Variants in AGL observed in about 807,000 individuals in gnomAD.
The protein encoded by AGL is amylo-alpha-1,6-glucosidase and 4-alpha-glucanotransferase.
In AGL, 128 loss-of-function variants were observed where a neutral mutation model predicts 199.3. The ratio of observed to expected loss-of-function variants is 0.64; its 90% confidence interval spans 0.56 to 0.74. AGL has a LOEUF of 0.74. AGL is among the 30% of genes least tolerant of loss of function. The pLI is 0.00. For missense variants in AGL, 1,809 were observed against 1,820.8 expected (o/e 0.99, Z 0.12); for synonymous variants, 584 against 594.7 (o/e 0.98, Z 0.26).
intron 5 of AGL, among the ~76,000 whole-genome samples, chr1:99,870,114 A>G (rs1488196896): frequency 1.3e-5 from 2 of 152,188 alleles, no homozygotes; most frequent in Non-Finnish European, 2.9e-5. Flanking sequence ...TTAACACTTT[A>G]GGATGAGCCA....
intron 33 of AGL, among the ~76,000 whole-genome samples, chr1:99,919,319 T>C (rs1330557035): frequency 6.6e-6 from 1 of 152,202 alleles, no homozygotes; most frequent in Non-Finnish European, 1.5e-5. Context: ...AGTTCTTCAG[T>C]TGTATCAGAC....
At chr1:99,899,558 T>TTCCC (rs1195469948) in intron 25 of AGL, among the ~76,000 whole-genome samples, 65 of 134,632 alleles carry the variant, frequency 4.8e-4, no homozygotes, top group African/African-American at 1.5e-3. Context: ...CTCTCTCTCT[T>TTCCC]TCCCTCCCTC....
At chr1:99,857,369 G>A (rs12730946) in intron 2 of AGL, among the ~76,000 whole-genome samples, 57,393 of 151,490 alleles carry the variant, frequency 0.38, 11,873 homozygotes, top group East Asian at 0.49. Flanking sequence ...CCCAGACGAA[G>A]GGTGGCCGGG....
At chr1:99,916,374 A>G (rs1655113673) in intron 31 of AGL, 36 bp from the exon 32 acceptor site, 1 of 1,456,808 alleles carries the variant, frequency 6.9e-7, no homozygotes, top group Admixed American at 1.7e-5. Context: ...ATATCTGATC[A>G]TCTTTTATTT....
At chr1:99,878,241 C>T (rs894190488) in intron 12 of AGL, among the ~76,000 whole-genome samples, 6 of 151,750 alleles carry the variant, frequency 4.0e-5, no homozygotes, top group African/African-American at 1.5e-4. Context: ...GCTACTCGGG[C>T]GGCTGAGGCA....
chr1:99,862,590 A>G (rs759737598), intron 4 of AGL, among the ~76,000 whole-genome samples, 167 bp downstream of exon 4: 7 of 152,210 alleles, frequency 4.6e-5, no homozygotes, highest in Non-Finnish European at 7.3e-5. Flanking sequence ...ACAGTTCCGC[A>G]GGCTATACAG....
At chr1:99,909,034 C>T (rs527810839) in intron 27 of AGL, among the ~76,000 whole-genome samples, 6 of 152,074 alleles carry the variant, frequency 3.9e-5, no homozygotes, top group Non-Finnish European at 8.8e-5. Flanking sequence ...TTCCAGCTTC[C>T]TCCTCTTCAG....
At chr1:99,886,763 G>C (rs763912442) in intron 20 of AGL, among the ~76,000 whole-genome samples, 3 of 152,080 alleles carry the variant, frequency 2.0e-5, no homozygotes, top group Non-Finnish European at 4.4e-5. Flanking sequence ...GGCTTTCTTT[G>C]TTGTTTTGTA....
intron 27 of AGL, among the ~76,000 whole-genome samples, chr1:99,909,428 C>T (rs905859863): frequency 3.9e-5 from 6 of 152,116 alleles, no homozygotes; most frequent in African/African-American, 7.2e-5. Flanking sequence ...TCCAGGCTTC[C>T]ACTCAGTCTC....
chr1:99,912,232 CCG>C (rs946785407), intron 28 of AGL, among the ~76,000 whole-genome samples, 171 bp from the exon 29 acceptor site: 4 of 152,040 alleles, frequency 2.6e-5, no homozygotes, highest in Middle Eastern at 3.2e-3. Flanking sequence ...AATGGCAAAA[CCG>C]TGAGAGGAAA....
At chr1:99,876,990 A>C (rs1171075846) in intron 11 of AGL, among the ~76,000 whole-genome samples, 1 of 152,222 alleles carries the variant, frequency 6.6e-6, no homozygotes, top group African/African-American at 2.4e-5. Flanking sequence ...TAAGAATTTC[A>C]GTGGCAATTA....
intron 6 of AGL, 72 bp from the exon 7 acceptor site, chr1:99,870,684 TAA>T: frequency 6.9e-7 from 1 of 1,449,828 alleles, no homozygotes; most frequent in Admixed American, 1.7e-5. Flanking sequence ...TTTAATATGA[TAA>T]ACAGTATTTG....
Position 99,902,664 on chromosome 1 carries a change from C to T in AGL, c.3589-19C>T, listed in dbSNP as rs368244330. The T allele has an allele frequency of 2.3e-4, 358 of 1,564,632 alleles. No individual in the cohort carries two copies. The highest frequency in any genetic ancestry group is 2.4e-4 in the Non-Finnish European group (276 of 1,135,418). On this transcript the variant is annotated intron_variant, in intron 26 of 33. Transcript: ENST00000361915. ...AATGTAATTTCTAACAGAGGTAACA[C>T]CCATTATGTCTCAAACAGGATCAGC...
chr1:99,870,392 T>C lies in AGL; in HGVS notation c.665-8T>C. The C allele has an allele frequency of 6.2e-7, 1 of 1,613,348 alleles. No homozygotes were observed. The highest frequency in any genetic ancestry group is 2.2e-5 in the East Asian group (1 of 44,844). On this transcript the variant is annotated splice_region_variant and splice_polypyrimidine_tract_variant and intron_variant, in intron 5 of 33. Coordinates refer to ENST00000361915, the MANE Select transcript of AGL (RefSeq NM_000642.3). ...GAGATACTCCTTTGTGTCTCCTTTT[T>C]CCTTCAGCTGCTAATAGTAAATGGA...
chr1:99,880,592 A>G, intron 13 of AGL, 40 bp from the exon 14 acceptor site: 2 of 1,601,482 alleles, frequency 1.2e-6, no homozygotes, highest in Non-Finnish European at 1.7e-6. Context: ...CCTGGACATA[A>G]ATAATGAAGA....
chr1:99,909,894 A>G (rs1276723988), intron 27 of AGL, among the ~76,000 whole-genome samples: 1 of 152,108 alleles, frequency 6.6e-6, no homozygotes, highest in Non-Finnish European at 1.5e-5. Context: ...AGTATGTGTA[A>G]ATTACTTATG....
intron 5 of AGL, among the ~76,000 whole-genome samples, chr1:99,866,800 T>TTTCCTTTATTTA (rs1553184029): frequency 6.6e-6 from 1 of 151,018 alleles, no homozygotes; most frequent in Non-Finnish European, 1.5e-5. Context: ...ACAAGTTTTC[T>TTTCCTTTATTTA]TTTATTTATT....
At position 99,862,322 on chromosome 1, in the gene AGL, A is replaced by G. The variant is rs758162985; in HGVS notation, c.359A>G (p.His120Arg). ...ATTTTACGTGTTGGTGCTGATAATCATGTGCTACCCTTGGACTGTGTTACT... is the reference window on the plus strand; with the variant it reads ...ATTTTACGTGTTGGTGCTGATAATCGTGTGCTACCCTTGGACTGTGTTACT... ...DPILRVGADNHVLPLDCVTLQ... is the reference protein window; with the variant it reads ...DPILRVGADNRVLPLDCVTLQ... Residue 120 changes from histidine to arginine, a missense_variant, in exon 4 of 34, where the codon CAT becomes CGT. Coordinates refer to ENST00000361915, the MANE Select transcript of AGL (RefSeq NM_000642.3). 8.7e-6 allele frequency: 14 copies of G among 1,613,976 alleles called. No homozygotes were observed. Among genetic ancestry groups the G allele is most frequent in the Non-Finnish European group, 1.2e-5 (14 of 1,179,994 alleles).
At chr1:99,876,632 A>G in intron 11 of AGL, 35 bp downstream of exon 11, 2 of 1,611,548 alleles carry the variant, frequency 1.2e-6, no homozygotes, top group South Asian at 2.2e-5. Flanking sequence ...GGATGGGGAA[A>G]GAATAGTTCA....
Sources: allele counts gnomAD v4.1 joint callset (sites outside exome capture counted in the v4.1 genomes callset), GRCh38; gene constraint gnomAD v4.1.1; transcripts MANE v1.5; gene names NCBI Gene and HGNC (gene_info 2026-07-23, HGNC 2026-07-21).